The following CACNB2 variants were observed in gnomAD, a reference collection of about 807,000 sequenced individuals.
The protein encoded by CACNB2 is calcium voltage-gated channel auxiliary subunit beta 2.
CACNB2 carries 42 observed loss-of-function variants against 73.3 expected under a neutral mutation model. The observed-to-expected ratio is 0.57, with a 90% CI of 0.45 to 0.74. The LOEUF is 0.74. Ranked by LOEUF, CACNB2 falls within the 30% of genes least tolerant of loss-of-function variation. The pLI, the probability that CACNB2 is intolerant of heterozygous loss-of-function variation, is 0.00. For missense variants in CACNB2, 940 were observed against 853.0 expected, an observed-to-expected ratio of 1.10 and a Z score of -1.27; for synonymous variants, 348 against 310.3, an observed-to-expected ratio of 1.12 and a Z score of -1.28.
At chr10:18,189,861 G>A (rs779883718) in intron 2 of CACNB2, among the ~76,000 whole-genome samples, 1 of 152,292 alleles carries the variant, frequency 6.6e-6, no homozygotes, top group Non-Finnish European at 1.5e-5. Context: ...TATTCCTTGA[G>A]ATCTTTGCAT....
chr10:18,145,477 T>C (rs2030871100), intron 1 of CACNB2, among the ~76,000 whole-genome samples: 1 of 152,164 alleles, frequency 6.6e-6, no homozygotes, highest in African/African-American at 2.4e-5. Flanking sequence ...TTTCTGAGTA[T>C]GTTTTAGAAT....
At chr10:18,362,362 G>A (rs1409062950) in intron 2 of CACNB2, among the ~76,000 whole-genome samples, 1 of 152,158 alleles carries the variant, frequency 6.6e-6, no homozygotes, top group Admixed American at 6.5e-5. Flanking sequence ...AAAATGTTTT[G>A]TTAGGAGCAA....
Position 18,534,246 on chromosome 10 carries a change from G to A in CACNB2, c.1206+19G>A, listed in dbSNP as rs1386211242. 3 of 1,600,338 alleles carry A rather than the reference G, an allele frequency of 1.9e-6. No homozygotes were observed. Among genetic ancestry groups the A allele is most frequent in the Non-Finnish European group, 2.6e-6 (3 of 1,167,682 alleles). The stretch of plus-strand genomic sequence containing the variant: ...TCCTAAGGTAAGTAGGACTGCTACT[G>A]TTTGCTCTATAATCAAACTTTCCTA... On this transcript the variant is annotated intron_variant, in intron 11 of 13. Transcript: ENST00000324631.
At chr10:18,147,138 A>T (rs2031068975) in intron 1 of CACNB2, among the ~76,000 whole-genome samples, 1 of 152,192 alleles carries the variant, frequency 6.6e-6, no homozygotes, top group African/African-American at 2.4e-5. Flanking sequence ...TTAGATTTTC[A>T]TTACCTGTGA....
intron 2 of CACNB2, among the ~76,000 whole-genome samples, chr10:18,378,784 A>G (rs2132346894): frequency 6.6e-6 from 1 of 152,296 alleles, no homozygotes; most frequent in South Asian, 2.1e-4. Context: ...ACGGTTAAGT[A>G]TGCCTAAATC....
chr10:18,343,835 T>C (rs1392092907), intron 2 of CACNB2, among the ~76,000 whole-genome samples: 1 of 152,134 alleles, frequency 6.6e-6, no homozygotes, highest in Non-Finnish European at 1.5e-5. Context: ...ATACAAACGC[T>C]CTAAAACTGT....
At chr10:18,525,761 T>A (rs974643466) in intron 9 of CACNB2, among the ~76,000 whole-genome samples, 23 of 152,178 alleles carry the variant, frequency 1.5e-4, no homozygotes, top group African/African-American at 5.5e-4. Context: ...ACCTCTTGGG[T>A]TATGTCTACT....
intron 3 of CACNB2, among the ~76,000 whole-genome samples, chr10:18,464,610 G>T (rs1000595187): frequency 2.0e-5 from 3 of 151,846 alleles, no homozygotes; most frequent in African/African-American, 7.2e-5. Context: ...TTCAATAATG[G>T]CCCTAGCCAT....
intron 2 of CACNB2, among the ~76,000 whole-genome samples, chr10:18,158,609 G>C (rs2032227356): frequency 6.6e-6 from 1 of 151,998 alleles, no homozygotes; most frequent in Non-Finnish European, 1.5e-5. Context: ...TTAGTACTTT[G>C]CACAAATTTA....
intron 2 of CACNB2, chr10:18,262,057 G>A: frequency 1.9e-6 from 1 of 518,200 alleles, no homozygotes; most frequent in Admixed American, 1.9e-5. Context: ...TTTCAGGAAG[G>A]GTTGTAAAAG....
Position 18,538,183 on chromosome 10 carries a change from C to G in CACNB2, c.1306C>G (p.Leu436Val). 2 of 1,614,092 alleles carry G rather than the reference C, an allele frequency of 1.2e-6. No homozygotes were observed. The highest frequency in any genetic ancestry group is 2.2e-5 in the East Asian group (1 of 44,862). The stretch of plus-strand genomic sequence containing the variant: ...TCTGGAATGTCTGCCTCTGCAGGAG[C>G]TGTTCGATGTGATCTTGGATGAGAA... Reference protein sequence around the residue: ...ADKLAQCPPELFDVILDENQL... With the variant: ...ADKLAQCPPEVFDVILDENQL... The change falls in exon 13 of 14, where the codon CTG (leucine) becomes GTG (valine). Residue 436 changes from leucine (L) to valine (V), a missense_variant. Transcript: ENST00000324631.
chr10:18,278,027 T>C (rs1451714990), intron 2 of CACNB2, among the ~76,000 whole-genome samples: 1 of 152,192 alleles, frequency 6.6e-6, no homozygotes, highest in African/African-American at 2.4e-5. Context: ...GAAATGGATA[T>C]TTTTCAGGCT....
intron 2 of CACNB2, among the ~76,000 whole-genome samples, chr10:18,258,201 G>T (rs1041146378): frequency 6.6e-6 from 1 of 152,216 alleles, no homozygotes; most frequent in African/African-American, 2.4e-5. Flanking sequence ...GTGGATTCTT[G>T]AATGACAAGG....
intron 2 of CACNB2, among the ~76,000 whole-genome samples, chr10:18,322,608 G>T (rs1226712031): frequency 2.0e-5 from 3 of 152,156 alleles, no homozygotes; most frequent in Non-Finnish European, 4.4e-5. Flanking sequence ...TTAGGAAAAT[G>T]GAGTAGCTTT....
intron 3 of CACNB2, among the ~76,000 whole-genome samples, chr10:18,475,380 G>T (rs1221858797): frequency 6.6e-6 from 1 of 152,178 alleles, no homozygotes; most frequent in Non-Finnish European, 1.5e-5. Context: ...TGGCACCCAG[G>T]CCCCATCCCA....
intron 2 of CACNB2, among the ~76,000 whole-genome samples, chr10:18,176,378 G>A (rs2033591727): frequency 6.6e-6 from 1 of 152,036 alleles, no homozygotes. Context: ...AAAATGGGAA[G>A]GCTTTAAATA....
intron 2 of CACNB2, chr10:18,224,414 C>T (rs2035909598): frequency 6.6e-6 from 1 of 151,698 alleles, no homozygotes; most frequent in Non-Finnish European, 1.5e-5. Context: ...AAGTGAGTTT[C>T]ATACAAAATT....
chr10:18,488,467 T>A lies in CACNB2; in HGVS notation c.334-9888T>A, dbSNP rs142383184. Among the ~76,000 whole-genome samples the A allele has an allele frequency of 0.02, 1,568 of 80,178 alleles. 79 individuals carry two copies. The South Asian group carries it at 0.24, about 12-fold the overall frequency. 52.6% of individuals were successfully genotyped at this position (80,178 alleles called of 152,430 possible). On this transcript the variant is annotated intron_variant, in intron 3 of 13. Coordinates refer to ENST00000324631, the MANE Select transcript of CACNB2 (RefSeq NM_201596.3). Reference sequence around the variant, plus strand: ...TCCGGCCTGGGCGACAGAGCGAGACTCCATCTCAAAAAAAAAAAAAAAAAA... The same window carrying A: ...TCCGGCCTGGGCGACAGAGCGAGACACCATCTCAAAAAAAAAAAAAAAAAA...
At chr10:18,363,479 T>C (rs1431694164) in intron 2 of CACNB2, among the ~76,000 whole-genome samples, 1 of 152,244 alleles carries the variant, frequency 6.6e-6, no homozygotes, top group Admixed American at 6.5e-5. Context: ...ATGGTATTTG[T>C]TGTGCTGGTT....
Sources: gnomAD v4.1 joint callset for allele counts (sites outside exome capture counted in the v4.1 genomes callset) on GRCh38, gnomAD v4.1.1 for gene constraint, MANE v1.5 for transcripts, NCBI Gene and HGNC (gene_info 2026-07-23, HGNC 2026-07-21) for gene names.